Variants in ZNF385D observed in about 807,000 individuals in gnomAD.
ZNF385D encodes zinc finger protein 385D.
Under a neutral mutation model 35.8 loss-of-function variants are expected in ZNF385D, and 15 were observed. The observed-to-expected ratio is 0.42, with a 90% CI of 0.28 to 0.64. The LOEUF (loss-of-function observed/expected upper bound fraction) is 0.64, where lower values mean the gene tolerates loss of function less well. Among genes scored for constraint, ZNF385D ranks in the 30% least tolerant of loss-of-function variants. The probability of loss-of-function intolerance (pLI) is 0.23; values close to 1 mark genes in which losing one functional copy is unlikely to be tolerated. For synonymous variants in ZNF385D, 212 were observed against 186.8 expected (o/e 1.13, Z -1.10); for missense variants, 474 against 494.6 (o/e 0.96, Z 0.39).
chr3:21,760,188 G>A (rs191157671), intron 3 of ZNF385D, among the ~76,000 whole-genome samples: 8 of 152,160 alleles, frequency 5.3e-5, no homozygotes, highest in South Asian at 2.1e-4. Flanking sequence ...TAAAATGACC[G>A]GATGCCATTT....
intron 4 of ZNF385D, among the ~76,000 whole-genome samples, chr3:21,473,932 T>C (rs1246318445): frequency 6.6e-6 from 1 of 152,082 alleles, no homozygotes; most frequent in African/African-American, 2.4e-5. Flanking sequence ...TGATATATCA[T>C]AAGATAGCAG....
chr3:21,709,465 A>T (rs2068022426), intron 1 of ZNF385D, among the ~76,000 whole-genome samples: 1 of 151,030 alleles, frequency 6.6e-6, no homozygotes, highest in South Asian at 2.1e-4. Flanking sequence ...AGGCAACTTC[A>T]TACCTCCTGA....
chr3:21,709,567 G>C (rs2068027329), intron 1 of ZNF385D, among the ~76,000 whole-genome samples: 1 of 152,062 alleles, frequency 6.6e-6, no homozygotes, highest in South Asian at 2.1e-4. Flanking sequence ...AATTTCCCAA[G>C]TCTTTTCAAT....
chr3:22,171,837 A>G (rs1442611605), intron 2 of ZNF385D, among the ~76,000 whole-genome samples: 2 of 148,474 alleles, frequency 1.3e-5, no homozygotes, highest in African/African-American at 5.0e-5. Flanking sequence ...AGATCACGCC[A>G]CTACATCCCA....
At chr3:21,534,778 A>G (rs1236904208) in intron 3 of ZNF385D, among the ~76,000 whole-genome samples, 1 of 152,134 alleles carries the variant, frequency 6.6e-6, no homozygotes, top group East Asian at 1.9e-4. Flanking sequence ...GCAACGGTTC[A>G]TGAAAGACAC....
At chr3:22,024,580 C>G (rs1043381935) in intron 3 of ZNF385D, among the ~76,000 whole-genome samples, 6 of 152,000 alleles carry the variant, frequency 3.9e-5, no homozygotes, top group Non-Finnish European at 7.4e-5. Flanking sequence ...GTATGGAGAA[C>G]ATACTATTAT....
intron 3 of ZNF385D, among the ~76,000 whole-genome samples, chr3:21,516,217 T>C (rs1177934438): frequency 6.6e-6 from 1 of 152,226 alleles, no homozygotes; most frequent in Non-Finnish European, 1.5e-5. Context: ...TTCTCCCACA[T>C]GTCCAGCCTT....
intron 2 of ZNF385D, among the ~76,000 whole-genome samples, chr3:22,323,366 T>C (rs1694534218): frequency 6.6e-6 from 1 of 151,994 alleles, no homozygotes. Flanking sequence ...ACAAAGTTCA[T>C]GATAGTAAGT....
intron 4 of ZNF385D, 101 bp downstream of exon 4, chr3:21,510,760 C>A: frequency 6.9e-7 from 1 of 1,446,334 alleles, no homozygotes; most frequent in South Asian, 1.3e-5. Context: ...AAGCATGAAT[C>A]AATATGGCAG....
chr3:22,281,759 AT>A (rs1701754166), intron 2 of ZNF385D, among the ~76,000 whole-genome samples: 1 of 152,072 alleles, frequency 6.6e-6, no homozygotes, highest in Non-Finnish European at 1.5e-5. Context: ...GCTTCATAGA[AT>A]GATTTAGGAA....
chr3:21,932,634 T>G (rs1226777794), intron 3 of ZNF385D, among the ~76,000 whole-genome samples: 1 of 151,960 alleles, frequency 6.6e-6, no homozygotes, highest in African/African-American at 2.4e-5. Flanking sequence ...TATTTTCTTC[T>G]TAAGAAAGTT....
chr3:22,342,251 T>TG (rs1695456965), intron 2 of ZNF385D, among the ~76,000 whole-genome samples: 2 of 115,904 alleles, frequency 1.7e-5, no homozygotes, highest in African/African-American at 7.0e-5. Flanking sequence ...CACTCCAGCC[T>TG]GGGCGACAGA....
intron 2 of ZNF385D, among the ~76,000 whole-genome samples, chr3:21,577,913 G>A (rs915954263): frequency 1.1e-4 from 17 of 151,078 alleles, no homozygotes; most frequent in Non-Finnish European, 1.0e-4. Context: ...GGGCTTAAGC[G>A]ATCCTCCTAC....
chr3:22,061,170 T>C (rs942055061), intron 3 of ZNF385D, among the ~76,000 whole-genome samples: 3 of 152,176 alleles, frequency 2.0e-5, no homozygotes, highest in African/African-American at 2.4e-5. Context: ...TCAAAGTAAG[T>C]TGGTTTTCTG....
At chr3:22,145,753 G>A (rs980525703) in intron 3 of ZNF385D, among the ~76,000 whole-genome samples, 2 of 152,140 alleles carry the variant, frequency 1.3e-5, no homozygotes, top group South Asian at 2.1e-4. Context: ...ATTTATACCA[G>A]GAAATGATGC....
chr3:21,759,181 G>C (rs181472866), intron 3 of ZNF385D, among the ~76,000 whole-genome samples: 1 of 151,886 alleles, frequency 6.6e-6, no homozygotes, highest in Admixed American at 6.6e-5. Flanking sequence ...TGTGTATAAG[G>C]GTCTGGTAAA....
At chr3:21,691,038 G>T (rs954564548) in intron 1 of ZNF385D, among the ~76,000 whole-genome samples, 1 of 151,972 alleles carries the variant, frequency 6.6e-6, no homozygotes, top group South Asian at 2.1e-4. Flanking sequence ...GTCTCTTCTC[G>T]GTCTTTCAAC....
chr3:21,696,632 C>T (rs1043244542), intron 1 of ZNF385D, among the ~76,000 whole-genome samples: 4 of 152,240 alleles, frequency 2.6e-5, no homozygotes. Context: ...ATCCACACAA[C>T]ATACCCATAT....
At chr3:22,367,966 A>G (rs1696732439) in intron 2 of ZNF385D, among the ~76,000 whole-genome samples, 1 of 152,196 alleles carries the variant, frequency 6.6e-6, no homozygotes, top group Non-Finnish European at 1.5e-5. Flanking sequence ...AAGGCGCATC[A>G]AGATCAGTAC....
Sources: allele counts gnomAD v4.1 joint callset (sites outside exome capture counted in the v4.1 genomes callset), GRCh38; gene constraint gnomAD v4.1.1; transcripts MANE v1.5; gene names NCBI Gene and HGNC (gene_info 2026-07-23, HGNC 2026-07-21).